Variants in CPS1 observed in about 807,000 individuals in gnomAD.
The protein encoded by CPS1 is carbamoyl-phosphate synthase 1.
Under a neutral mutation model 174.6 loss-of-function variants are expected in CPS1, and 109 were observed. The ratio of observed to expected loss-of-function variants is 0.62; its 90% confidence interval spans 0.53 to 0.73. The LOEUF (loss-of-function observed/expected upper bound fraction) is 0.73. CPS1 is among the 30% of genes least tolerant of loss of function. The pLI is 0.00. For synonymous variants in CPS1, 637 were observed against 632.0 expected, an observed-to-expected ratio of 1.01 and a Z score of -0.12; for missense variants, 1,689 against 1,821.9, an observed-to-expected ratio of 0.93 and a Z score of 1.33.
At chr2:210,613,043 G>A (rs777221799) in intron 20 of CPS1, among the ~76,000 whole-genome samples, 7 of 151,894 alleles carry the variant, frequency 4.6e-5, no homozygotes, top group Non-Finnish European at 8.8e-5. Flanking sequence ...AAGCACAAGC[G>A]TTAATCCTCC....
In CPS1 at chr2:210,663,477, T is replaced by C. The variant is rs186334452; in HGVS notation, c.4002+280T>C. 1.2e-3 allele frequency among the ~76,000 whole-genome samples: 179 copies of C among 152,316 alleles called. No homozygotes were observed. The East Asian group carries it at 0.029, about 24-fold the overall frequency. On this transcript the variant is annotated intron_variant, in intron 33 of 37. Coordinates refer to ENST00000233072, the MANE Select transcript of CPS1 (RefSeq NM_001875.5). ...ATTTATCTAGACATCCAAGTAAATATCTTCTGTGTCTTACTTTTTATTTAA... is the reference window on the plus strand; with the variant it reads ...ATTTATCTAGACATCCAAGTAAATACCTTCTGTGTCTTACTTTTTATTTAA...
At chr2:210,478,716 C>T (rs1327340283) in intron 1 of CPS1, among the ~76,000 whole-genome samples, 1 of 152,180 alleles carries the variant, frequency 6.6e-6, no homozygotes, top group Non-Finnish European at 1.5e-5. Context: ...TGACTTCCCA[C>T]ATTTTATTTT....
At chr2:210,659,378 T>A (rs1296874339) in intron 31 of CPS1, among the ~76,000 whole-genome samples, 2 of 152,136 alleles carry the variant, frequency 1.3e-5, no homozygotes, top group African/African-American at 4.8e-5. Flanking sequence ...AACCAGACTT[T>A]TTAACAGCCC....
chr2:210,567,356 C>T (rs1015585203), intron 1 of CPS1, among the ~76,000 whole-genome samples: 1 of 151,888 alleles, frequency 6.6e-6, no homozygotes, highest in Non-Finnish European at 1.5e-5. Context: ...AATATAATAG[C>T]CTCAGTATTT....
At position 210,608,544 on chromosome 2, in the gene CPS1, G is replaced by C. The variant is rs1553513429; in HGVS notation, c.2376G>C (p.Met792Ile). 1.9e-6 allele frequency: 3 copies of C among 1,611,946 alleles called. No individual in the cohort carries two copies. In the South Asian group the frequency reaches 3.3e-5, roughly 18 times the overall value. The part of the protein sequence containing the change: ...HGTSSRIGSS[M>I]KSVGEVMAIG... ...CATCTAGCCGAATTGGTAGCTCTAT[G>C]AAAAGTGTAGGAGAGGTGAGTCCTT... Residue 792 changes from methionine to isoleucine, a missense_variant, in exon 19 of 38, where the codon ATG becomes ATC. Met to Ile is a conservative substitution (Grantham distance 10, BLOSUM62 1). Transcript: ENST00000233072.
chr2:210,616,659 T>C (rs1699320179), intron 21 of CPS1, 118 bp downstream of exon 21: 1 of 772,794 alleles, frequency 1.3e-6, no homozygotes, highest in Admixed American at 1.8e-5. Flanking sequence ...ATAGTGCCAT[T>C]GTTGGAAAAT....
At chr2:210,496,376 C>T (rs1002971663) in intron 1 of CPS1, among the ~76,000 whole-genome samples, 1 of 152,176 alleles carries the variant, frequency 6.6e-6, no homozygotes, top group African/African-American at 2.4e-5. Context: ...CATTTCCTGC[C>T]TCTATTCCTT....
chr2:210,521,047 A>G (rs1695811239), intron 1 of CPS1, among the ~76,000 whole-genome samples: 1 of 152,060 alleles, frequency 6.6e-6, no homozygotes, highest in Non-Finnish European at 1.5e-5. Context: ...TGGTTGCAAC[A>G]TTTTATATTC....
chr2:210,577,616 C>A, intron 4 of CPS1, 106 bp downstream of exon 4: 1 of 868,924 alleles, frequency 1.2e-6, no homozygotes, highest in Non-Finnish European at 2.0e-6. Context: ...AGTTTGGGAT[C>A]TTTGCATTTC....
At chr2:210,610,776 G>C (rs2105856679) in intron 19 of CPS1, among the ~76,000 whole-genome samples, 1 of 151,466 alleles carries the variant, frequency 6.6e-6, no homozygotes, top group African/African-American at 2.4e-5. Context: ...TATATAGAGA[G>C]AGTATTGAAA....
chr2:210,606,722 G>T lies in CPS1; in HGVS notation c.1982-9G>T, dbSNP rs779387910. On this transcript the variant is annotated splice_polypyrimidine_tract_variant and intron_variant, in intron 17 of 37. Transcript: ENST00000233072. Reference sequence around the variant, plus strand: ...GCCACCAAGTAATGAGTGCTTCTTGGATATATAGGTGACTCAGTTGTTGTG... The same window carrying T: ...GCCACCAAGTAATGAGTGCTTCTTGTATATATAGGTGACTCAGTTGTTGTG... 4.3e-6 allele frequency: 7 copies of T among 1,611,794 alleles called. No homozygotes were observed. In the South Asian group the frequency reaches 5.5e-5, roughly 13 times the overall value.
At chr2:210,599,963 C>T (rs1256483847) in intron 14 of CPS1, among the ~76,000 whole-genome samples, 1 of 151,906 alleles carries the variant, frequency 6.6e-6, no homozygotes, top group Non-Finnish European at 1.5e-5. Flanking sequence ...TTCATGATAG[C>T]ATAGATCAGT....
At chr2:210,609,934 G>T (rs1438931298) in intron 19 of CPS1, among the ~76,000 whole-genome samples, 1 of 151,890 alleles carries the variant, frequency 6.6e-6, no homozygotes, top group Non-Finnish European at 1.5e-5. Context: ...TTCTATTTTG[G>T]CTTCCTTAAT....
rs779266955 is a variant in CPS1, at chr2:210,528,814, C to CTT, written c.4-27885_4-27884dup. Among the ~76,000 whole-genome samples, 308 of 117,612 alleles carry CTT rather than the reference C, an allele frequency of 2.6e-3. 4 individuals are homozygous for CTT. The highest frequency in any genetic ancestry group is 4.4e-3 in the Admixed American group (49 of 11,234). The allele number at this position is 117,612 out of a possible 152,430, so 77.2% of individuals were successfully genotyped here. ...CAGTTAGTACTAGGAATCAAGACAA[C>CTT]TTTTTTTTTTTTTTTTTTTTTGAGT... On this transcript the variant is annotated intron_variant, in intron 1 of 38. Transcript: ENST00000430249.
chr2:210,508,525 G>A (rs899973535), intron 1 of CPS1, among the ~76,000 whole-genome samples: 3 of 152,016 alleles, frequency 2.0e-5, no homozygotes, highest in African/African-American at 7.2e-5. Flanking sequence ...AAATAACTAA[G>A]ATCAGAGCAG....
intron 1 of CPS1, among the ~76,000 whole-genome samples, chr2:210,546,492 T>C (rs577722673): frequency 4.6e-5 from 7 of 152,244 alleles, no homozygotes; most frequent in African/African-American, 1.7e-4. Flanking sequence ...AATTGTATGA[T>C]ACAAACAAGA....
rs376312096 is a variant in CPS1, at chr2:210,588,178, G to T, written c.711+31G>T. 3.8e-6 allele frequency: 6 copies of T among 1,583,458 alleles called. No homozygotes were observed. In the African/African-American group the frequency reaches 4.0e-5, roughly 11 times the overall value. On this transcript the variant is annotated intron_variant, in intron 7 of 37. Transcript: ENST00000233072. ...TAATTTGTTCATTTCAAAGGTGAGG[G>T]TTTGTCATATTGACCATTAGTGTTC... is the stretch of plus-strand genomic sequence containing the variant.
chr2:210,597,715 G>A (rs576810890), intron 13 of CPS1, among the ~76,000 whole-genome samples: 35 of 151,790 alleles, frequency 2.3e-4, no homozygotes, highest in African/African-American at 8.0e-4. Context: ...TTTGCTAAGT[G>A]TCACCCTCAT....
intron 16 of CPS1, among the ~76,000 whole-genome samples, chr2:210,604,406 C>A (rs745969805): frequency 7.9e-5 from 12 of 151,826 alleles, no homozygotes; most frequent in Non-Finnish European, 1.6e-4. Context: ...TCAAAGATTA[C>A]CACTTTCCTA....
Sources: gnomAD v4.1 joint callset for allele counts (sites outside exome capture counted in the v4.1 genomes callset) on GRCh38, gnomAD v4.1.1 for gene constraint, MANE v1.5 for transcripts, NCBI Gene and HGNC (gene_info 2026-07-23, HGNC 2026-07-21) for gene names.